ZEB1: variants seen among roughly 807,000 people sequenced by gnomAD.
ZEB1 encodes the protein zinc finger E-box binding homeobox 1, also known as zinc finger E-box-binding homeobox 1.
ZEB1 carries 21 observed loss-of-function variants against 84.9 expected under a neutral mutation model. The ratio of observed to expected loss-of-function variants is 0.25; its 90% CI spans 0.18 to 0.36. The LOEUF is 0.36. Ranked by LOEUF, ZEB1 falls within the 10% of genes least tolerant of loss-of-function variation. ZEB1 has a pLI of 1.00. For synonymous variants in ZEB1, 420 were observed against 471.1 expected (o/e 0.89, Z 1.41); for missense variants, 1,104 against 1,330.2 (o/e 0.83, Z 2.65).
At chr10:31,335,721 G>A (rs1218614577) in intron 1 of ZEB1, among the ~76,000 whole-genome samples, 1 of 152,138 alleles carries the variant, frequency 6.6e-6, no homozygotes, top group Non-Finnish European at 1.5e-5. Flanking sequence ...CAAAGGACAA[G>A]TGTGCCTGCT....
At chr10:31,463,907 A>C (rs2137559059) in intron 2 of ZEB1, among the ~76,000 whole-genome samples, 1 of 152,312 alleles carries the variant, frequency 6.6e-6, no homozygotes, top group South Asian at 2.1e-4. Context: ...AATTACCAGA[A>C]ACAAAAGGAA....
intron 1 of ZEB1, among the ~76,000 whole-genome samples, chr10:31,347,074 G>GT (rs1471036408): frequency 1.3e-5 from 2 of 152,056 alleles, no homozygotes; most frequent in Non-Finnish European, 2.9e-5. Context: ...GGACCTTGAA[G>GT]TTTTTTTATG....
chr10:31,441,801 G>GA (rs1469345690), intron 1 of ZEB1, among the ~76,000 whole-genome samples: 4 of 152,178 alleles, frequency 2.6e-5, no homozygotes, highest in Non-Finnish European at 5.9e-5. Flanking sequence ...AAAGACACAT[G>GA]AAAAAATGCT....
chr10:31,331,614 G>A (rs184546034), intron 1 of ZEB1, among the ~76,000 whole-genome samples: 149 of 152,192 alleles, frequency 9.8e-4, no homozygotes, highest in Non-Finnish European at 1.9e-3. Context: ...ATACAGTTTG[G>A]TAACTGATGT....
intron 1 of ZEB1, among the ~76,000 whole-genome samples, chr10:31,444,108 A>C (rs1016969725): frequency 2.6e-5 from 4 of 151,292 alleles, no homozygotes; most frequent in African/African-American, 9.7e-5. Context: ...TGCCATTCTA[A>C]CTGGTGTGAG....
intron 3 of ZEB1, among the ~76,000 whole-genome samples, chr10:31,501,962 A>G (rs188038787): frequency 3.9e-5 from 6 of 152,350 alleles, no homozygotes; most frequent in African/African-American, 1.4e-4. Flanking sequence ...TTAAATAAGT[A>G]TTATGATATG....
chr10:31,515,349 G>A (rs185013385), intron 6 of ZEB1, among the ~76,000 whole-genome samples: 189 of 152,054 alleles, frequency 1.2e-3, no homozygotes, highest in Non-Finnish European at 2.0e-3. Context: ...CATTTCTTTG[G>A]AGACACTACT....
At chr10:31,319,456 CGCCGCTGCCGGAGCCGCGCCGCG>C (rs2033093914) in intron 1 of ZEB1, 164 bp downstream of exon 1, 3 of 673,836 alleles carry the variant, frequency 4.5e-6, no homozygotes, top group East Asian at 5.5e-5. Context: ...CCTCCGCTGC[CGCCGCTGCCGGAGCCGCGCCGCG>C]GCCGCTCGCT....
At chr10:31,391,194 C>T (rs1327337644) in intron 1 of ZEB1, among the ~76,000 whole-genome samples, 1 of 150,406 alleles carries the variant, frequency 6.6e-6, no homozygotes, top group Non-Finnish European at 1.5e-5. Context: ...TTTTCAATTA[C>T]TGCATTTCCT....
chr10:31,349,200 C>G (rs2040866557), intron 1 of ZEB1, among the ~76,000 whole-genome samples: 1 of 152,162 alleles, frequency 6.6e-6, no homozygotes, highest in Non-Finnish European at 1.5e-5. Flanking sequence ...GCTTATTTCA[C>G]TTATTATAAT....
chr10:31,463,770 GA>G (rs1289248032), intron 2 of ZEB1, among the ~76,000 whole-genome samples: 2 of 152,164 alleles, frequency 1.3e-5, no homozygotes, highest in Non-Finnish European at 2.9e-5. Flanking sequence ...GTTTAAAGTG[GA>G]ACTGCTACAA....
At position 31,521,900 on chromosome 10, in the gene ZEB1, A is replaced by G; in HGVS notation, c.2568A>G (p.Glu856=). 6.2e-7 allele frequency: 1 copy of G among 1,614,062 alleles called. No homozygotes were observed. The change falls in exon 7 of 9, where the codon GAA becomes GAG. Residue 856 remains glutamate (E), a synonymous_variant. Coordinates refer to ENST00000424869, the MANE Select transcript of ZEB1 (RefSeq NM_001174096.2). The part of the protein sequence containing the change: ...YSTTVSPAVQ[E]PPLKVIQPNG... The stretch of plus-strand genomic sequence containing the variant: ...CTACGGTCAGCCCTGCAGTCCAAGA[A>G]CCACCCTTGAAAGTGATCCAGCCAA...
chr10:31,377,654 G>A (rs931106770), intron 1 of ZEB1, among the ~76,000 whole-genome samples: 1 of 151,678 alleles, frequency 6.6e-6, no homozygotes, highest in Non-Finnish European at 1.5e-5. Flanking sequence ...AAATTATCTA[G>A]TGTTTCTGCA....
intron 1 of ZEB1, among the ~76,000 whole-genome samples, chr10:31,390,212 T>G (rs1374362092): frequency 6.6e-6 from 1 of 152,198 alleles, no homozygotes; most frequent in Non-Finnish European, 1.5e-5. Flanking sequence ...TTTGACTGGG[T>G]GTCCTATATT....
In ZEB1 at chr10:31,500,797, G is replaced by A. The variant is rs371168251; in HGVS notation, c.323-1551G>A. 1.8e-4 allele frequency among the ~76,000 whole-genome samples: 27 copies of A among 152,262 alleles called. No homozygotes were observed. The East Asian group carries it at 5.0e-3, about 28-fold the overall frequency. On this transcript the variant is annotated intron_variant, in intron 3 of 8. Transcript: ENST00000424869. ...GAGTTTACATGGAAGCTGAGGATCC[G>A]GGAGTTGATTCCTTTAAACCCAACA...
chr10:31,397,342 A>G (rs1346631894), intron 1 of ZEB1, among the ~76,000 whole-genome samples: 5 of 151,978 alleles, frequency 3.3e-5, no homozygotes, highest in Admixed American at 1.3e-4. Flanking sequence ...GATAATCCTG[A>G]AAAGTATATC....
intron 1 of ZEB1, among the ~76,000 whole-genome samples, chr10:31,326,261 G>C (rs187606431): frequency 6.6e-6 from 1 of 152,142 alleles, no homozygotes; most frequent in Admixed American, 6.5e-5. Context: ...TGGGCTCAGG[G>C]TAACCTTGCT....
intron 1 of ZEB1, among the ~76,000 whole-genome samples, chr10:31,424,968 A>C (rs2056741652): frequency 6.6e-6 from 1 of 152,002 alleles, no homozygotes; most frequent in African/African-American, 2.4e-5. Flanking sequence ...CTTCCATTTC[A>C]AGCTATCCTA....
intron 2 of ZEB1, among the ~76,000 whole-genome samples, chr10:31,475,075 G>GGGGA (rs1297087785): frequency 2.2e-4 from 33 of 151,460 alleles, no homozygotes; most frequent in Middle Eastern, 3.4e-3. Context: ...GTGGGGCGGG[G>GGGGA]GGGAGGGATA....
Sources: allele counts gnomAD v4.1 joint callset (sites outside exome capture counted in the v4.1 genomes callset), GRCh38; gene constraint gnomAD v4.1.1; transcripts MANE v1.5; gene names NCBI Gene and HGNC (gene_info 2026-07-23, HGNC 2026-07-21).